The following DLGAP1 variants were observed in gnomAD, a reference collection of about 807,000 sequenced individuals.
DLGAP1 encodes the protein disks large-associated protein 1.
DLGAP1 carries 11 observed loss-of-function variants against 90.8 expected under a neutral mutation model. That is an observed-to-expected ratio of 0.12 (90% CI 0.08 to 0.20). The LOEUF is 0.20. Ranked by LOEUF, DLGAP1 falls within the 10% of genes least tolerant of loss-of-function variation. The probability of loss-of-function intolerance (pLI) is 1.00; values close to 1 mark genes in which losing one functional copy is unlikely to be tolerated. For missense variants in DLGAP1, 1,050 were observed against 1,333.8 expected, an observed-to-expected ratio of 0.79 and a Z score of 3.31; for synonymous variants, 558 against 540.7, an observed-to-expected ratio of 1.03 and a Z score of -0.44.
intron 12 of DLGAP1, chr18:3,502,078 T>C: frequency 1.1e-6 from 1 of 877,590 alleles, no homozygotes; most frequent in African/African-American, 1.8e-5. Context: ...AAGTCAGTTA[T>C]TTTTCAGGGC....
In DLGAP1 at chr18:4,394,183, A is replaced by G. The variant is rs549981134; in HGVS notation, c.-267+60823T>C. Among the ~76,000 whole-genome samples, 51 of 152,370 alleles carry G rather than the reference A, an allele frequency of 3.3e-4. 1 individual carries two copies. The Middle Eastern group carries it at 0.01, about 30-fold the overall frequency. On this transcript the variant is annotated intron_variant, in intron 1 of 12. Transcript: ENST00000315677. ...TGTGAAGACAAAACAGTAAAAGAAG[A>G]AAGCCACCGTCAGGATGACTATGAG...
rs757983166 is a variant in DLGAP1, at chr18:3,879,528, G to T, written c.541C>A (p.Arg181Ser). 50 of 1,601,486 alleles carry T rather than the reference G, an allele frequency of 3.1e-5. No individual in the cohort carries two copies. In the South Asian group the frequency reaches 4.1e-4, roughly 13 times the overall value. ...DEAQAARYGKRSKSKERRAEP... is the reference protein window; with the variant it reads ...DEAQAARYGKSSKSKERRAEP... ...GCGCGCCGCTCCTTGCTCTTGCTGCGTTTGCCATAGCGCGCCGCCTGCGCC... is the reference window on the plus strand; with the variant it reads ...GCGCGCCGCTCCTTGCTCTTGCTGCTTTTGCCATAGCGCGCCGCCTGCGCC... The change falls in exon 4 of 13, where the codon CGC becomes AGC. Residue 181 changes from arginine (R) to serine (S), a missense_variant. By Grantham distance (110) the Arg-to-Ser change is moderately radical (BLOSUM62 -1). This residue lies in a region of DLGAP1 where 485 missense variants were observed against 454.1 expected (regional missense o/e 1.07). Coordinates refer to ENST00000315677, the MANE Select transcript of DLGAP1 (RefSeq NM_004746.4). The surrounding 1 kb of genome is among the most constrained non-coding windows in gnomAD (Gnocchi z 6.6).
rs367982917 is a variant in DLGAP1, at chr18:3,692,332, AGC to A, written c.1591+36801_1591+36802del. Among the ~76,000 whole-genome samples, 20 of 152,358 alleles carry A rather than the reference AGC, an allele frequency of 1.3e-4. No individual in the cohort carries two copies. In the East Asian group the frequency reaches 2.5e-3, roughly 19 times the overall value. ...ACTTTCCCCTCTACAAACCATTAAT[AGC>A]TGTGTATGTGCAGCCAAGGCATATT... On this transcript the variant is annotated intron_variant, in intron 7 of 12. Coordinates refer to ENST00000315677, the MANE Select transcript of DLGAP1 (RefSeq NM_004746.4).
chr18:3,699,721 C>T (rs1269773430), intron 7 of DLGAP1, among the ~76,000 whole-genome samples: 1 of 152,206 alleles, frequency 6.6e-6, no homozygotes, highest in East Asian at 1.9e-4. Flanking sequence ...TTTAAGCCTG[C>T]TGAAGCTGTC....
chr18:3,931,040 C>T (rs762994790), intron 3 of DLGAP1, among the ~76,000 whole-genome samples: 10 of 152,264 alleles, frequency 6.6e-5, no homozygotes, highest in East Asian at 1.9e-4. Context: ...GGTAAGCTCC[C>T]GGCATGGCTT....
chr18:4,324,699 C>A (rs572955526), intron 1 of DLGAP1, among the ~76,000 whole-genome samples: 13 of 142,618 alleles, frequency 9.1e-5, no homozygotes, highest in African/African-American at 3.7e-4. Context: ...CCCTGGGAAG[C>A]AAGGTTGGTT....
At chr18:4,291,180 C>T (rs62088061) in intron 1 of DLGAP1, among the ~76,000 whole-genome samples, 6,241 of 152,080 alleles carry the variant, frequency 0.041, 170 homozygotes, top group African/African-American at 0.07. Flanking sequence ...CTGGTCTTGG[C>T]GCAGTTCAGG....
At chr18:3,623,646 G>A (rs1227936387) in intron 7 of DLGAP1, among the ~76,000 whole-genome samples, 1 of 151,864 alleles carries the variant, frequency 6.6e-6, no homozygotes, top group African/African-American at 2.4e-5. Context: ...GCGTGGTGGC[G>A]CATGCCTGTA....
intron 1 of DLGAP1, among the ~76,000 whole-genome samples, chr18:4,248,110 C>A (rs144591063): frequency 1.2e-4 from 19 of 152,206 alleles, no homozygotes; most frequent in Admixed American, 7.2e-4. Flanking sequence ...CACTTGAGTT[C>A]CCTGGGCCTT....
chr18:3,683,596 A>C (rs1487421033), intron 7 of DLGAP1, among the ~76,000 whole-genome samples: 1 of 152,240 alleles, frequency 6.6e-6, no homozygotes, highest in East Asian at 1.9e-4. Flanking sequence ...CTAGAAATAA[A>C]TATAGCTGCT....
Position 4,130,790 on chromosome 18 carries a change from G to A in DLGAP1, c.-159+20390C>T, listed in dbSNP as rs77586143. ...AGGTAAGGGAAGGCTGTTCTGAGAA[G>A]GTGACATTTTGGCAAAGATCTTTTA... is the stretch of plus-strand genomic sequence containing the variant. On this transcript the variant is annotated intron_variant, in intron 2 of 12. Transcript: ENST00000315677. Among the ~76,000 whole-genome samples the A allele has an allele frequency of 4.9e-3, 741 of 152,242 alleles. 5 individuals carry two copies. Among genetic ancestry groups the A allele is most frequent in the African/African-American group, 0.016 (684 of 41,542 alleles).
intron 2 of DLGAP1, among the ~76,000 whole-genome samples, chr18:4,069,212 T>C (rs555122033): frequency 6.6e-6 from 1 of 152,272 alleles, no homozygotes; most frequent in African/African-American, 2.4e-5. Flanking sequence ...TTCTCAGTGA[T>C]ATAAAGTATT....
At chr18:4,255,625 G>A (rs1247141456) in intron 1 of DLGAP1, among the ~76,000 whole-genome samples, 1 of 151,722 alleles carries the variant, frequency 6.6e-6, no homozygotes, top group East Asian at 1.9e-4. Flanking sequence ...ATGAAACCCC[G>A]CATCTTTCTG....
chr18:4,306,002 C>T (rs975229587), intron 1 of DLGAP1, among the ~76,000 whole-genome samples: 1 of 136,010 alleles, frequency 7.4e-6, no homozygotes, highest in East Asian at 2.1e-4. Context: ...ACTCCCAAAA[C>T]ATTACACACA....
chr18:4,365,580 T>G (rs1370995189), intron 1 of DLGAP1, among the ~76,000 whole-genome samples: 1 of 152,190 alleles, frequency 6.6e-6, no homozygotes, highest in Non-Finnish European at 1.5e-5. Context: ...TCAATAAAAC[T>G]ATTAAAATAT....
At chr18:4,139,923 T>G (rs781101794) in intron 2 of DLGAP1, among the ~76,000 whole-genome samples, 5 of 152,004 alleles carry the variant, frequency 3.3e-5, no homozygotes, top group Non-Finnish European at 7.4e-5. Flanking sequence ...TAACTATAGC[T>G]ACTCCTGTAC....
At chr18:4,123,404 G>A (rs1247728872) in intron 2 of DLGAP1, among the ~76,000 whole-genome samples, 1 of 152,130 alleles carries the variant, frequency 6.6e-6, no homozygotes, top group Non-Finnish European at 1.5e-5. Context: ...ATAATTACAT[G>A]CATAAGGATG....
chr18:4,438,473 C>T (rs2083455510), intron 1 of DLGAP1, among the ~76,000 whole-genome samples: 1 of 142,156 alleles, frequency 7.0e-6, no homozygotes, highest in African/African-American at 2.6e-5. Context: ...ATCTCATATG[C>T]CCACATTTTT....
intron 1 of DLGAP1, among the ~76,000 whole-genome samples, chr18:4,359,373 C>T (rs536240897): frequency 2.8e-4 from 43 of 152,298 alleles, no homozygotes; most frequent in Middle Eastern, 6.8e-3. Context: ...ACGTCTTTAT[C>T]GCTGAAGATA....
Sources: gnomAD v4.1 joint callset for allele counts (sites outside exome capture counted in the v4.1 genomes callset) on GRCh38, gnomAD v4.1.1 for gene constraint, gnomAD v4.1.1 regional missense constraint, Gnocchi (gnomAD v3.1) non-coding constraint, MANE v1.5 for transcripts, NCBI Gene and HGNC (gene_info 2026-07-23, HGNC 2026-07-21) for gene names.